Variants in SPAG1 observed in about 807,000 individuals in gnomAD.
The protein encoded by SPAG1 is sperm associated antigen 1.
A neutral mutation model predicts 100.5 loss-of-function variants in SPAG1; 69 were observed. The ratio of observed to expected loss-of-function variants is 0.69; its 90% CI spans 0.57 to 0.84. SPAG1 has a LOEUF of 0.84. Among genes scored for constraint, SPAG1 ranks in the 40% least tolerant of loss-of-function variants. The pLI is 0.00. For missense variants in SPAG1, 955 were observed against 1,133.1 expected (o/e 0.84, Z 2.26); for synonymous variants, 336 against 411.6 (o/e 0.82, Z 2.22).
intron 12 of SPAG1, among the ~76,000 whole-genome samples, chr8:100,217,651 C>G (rs1204938360): frequency 6.6e-6 from 1 of 152,212 alleles, no homozygotes; most frequent in African/African-American, 2.4e-5. Flanking sequence ...CTTCACTTTT[C>G]TCATCTATCA....
At chr8:100,190,860 G>A (rs1364566456) in intron 8 of SPAG1, among the ~76,000 whole-genome samples, 4 of 151,530 alleles carry the variant, frequency 2.6e-5, no homozygotes, top group African/African-American at 9.7e-5. Flanking sequence ...AGTAGAGATG[G>A]GATTTTGCCA....
chr8:100,204,457 T>G (rs1817421776), intron 10 of SPAG1, among the ~76,000 whole-genome samples: 1 of 152,084 alleles, frequency 6.6e-6, no homozygotes, highest in Non-Finnish European at 1.5e-5. Flanking sequence ...GCTGAATTTA[T>G]TGATTTGGGC....
chr8:100,215,424 G>A (rs1563802408), intron 12 of SPAG1, among the ~76,000 whole-genome samples: 1 of 152,184 alleles, frequency 6.6e-6, no homozygotes, highest in Non-Finnish European at 1.5e-5. Flanking sequence ...TACTCCTGTT[G>A]TCTCATATAA....
chr8:100,223,914 A>G (rs1818391306), intron 13 of SPAG1, among the ~76,000 whole-genome samples: 2 of 152,112 alleles, frequency 1.3e-5, no homozygotes, highest in Non-Finnish European at 2.9e-5. Context: ...AAGAAACTGT[A>G]GGGAAATTAT....
intron 16 of SPAG1, among the ~76,000 whole-genome samples, chr8:100,237,264 A>G (rs1819049048): frequency 6.6e-6 from 1 of 152,128 alleles, no homozygotes; most frequent in African/African-American, 2.4e-5. Flanking sequence ...TATGTTTAGT[A>G]GAGACGGGGT....
In SPAG1 at chr8:100,220,281, C is replaced by T. The variant is rs770542001; in HGVS notation, c.1538C>T (p.Ala513Val). The change falls in exon 13 of 19, where the codon GCT (alanine) becomes GTT (valine). Residue 513 changes from alanine to valine, a missense_variant and splice_region_variant. By Grantham distance (64) the Ala-to-Val change is moderately conservative. Transcript: ENST00000388798. ...CSGCIQDCNR[A>V]LELHPFSMKP... ...TGTAATATTTTTGTCTTCTTTAGGG[C>T]TCTGGAACTTCATCCATTCTCTATG... 2 of 1,606,400 alleles carry T rather than the reference C, an allele frequency of 1.2e-6. No homozygotes were observed. Among genetic ancestry groups the T allele is most frequent in the Admixed American group, 1.7e-5 (1 of 57,596 alleles).
chr8:100,236,712 T>C (rs561652874), intron 16 of SPAG1, among the ~76,000 whole-genome samples: 2 of 152,310 alleles, frequency 1.3e-5, no homozygotes, highest in Admixed American at 1.3e-4. Flanking sequence ...TCACTGAACA[T>C]TTTGCTTTTA....
intron 15 of SPAG1, 160 bp from the exon 16 acceptor site, chr8:100,233,250 GC>G: frequency 1.4e-6 from 1 of 713,570 alleles, no homozygotes; most frequent in Non-Finnish European, 2.4e-6. Context: ...GCGGTTGTAT[GC>G]CCAGTGCCAT....
chr8:100,213,601 T>G (rs1255244567), intron 11 of SPAG1, among the ~76,000 whole-genome samples, 173 bp downstream of exon 11: 1 of 152,194 alleles, frequency 6.6e-6, no homozygotes, highest in South Asian at 2.1e-4. Context: ...GAGCAGCACC[T>G]GGGAATGCCG....
chr8:100,209,442 A>G (rs930399695), intron 10 of SPAG1, among the ~76,000 whole-genome samples: 2 of 149,142 alleles, frequency 1.3e-5, no homozygotes, highest in African/African-American at 4.9e-5. Context: ...AAAAAAAAGA[A>G]GAAGAAAAGA....
chr8:100,235,856 G>A (rs1466751894), intron 16 of SPAG1, among the ~76,000 whole-genome samples: 2 of 150,842 alleles, frequency 1.3e-5, no homozygotes, highest in Non-Finnish European at 3.0e-5. Context: ...CTTTTTTTTT[G>A]GTTAGCAACA....
intron 4 of SPAG1, among the ~76,000 whole-genome samples, chr8:100,182,055 A>G (rs1448734881): frequency 6.6e-6 from 1 of 152,246 alleles, no homozygotes; most frequent in African/African-American, 2.4e-5. Context: ...GAATGAAGAT[A>G]TGTAATAGTT....
chr8:100,240,270 A>G (rs1237831483), intron 17 of SPAG1, 133 bp from the exon 18 acceptor site: 1 of 773,916 alleles, frequency 1.3e-6, no homozygotes, highest in South Asian at 3.2e-5. Context: ...AAATTATTAC[A>G]AAGTTTTCAC....
At chr8:100,189,414 T>G (rs1308192503) in intron 8 of SPAG1, among the ~76,000 whole-genome samples, 1 of 151,900 alleles carries the variant, frequency 6.6e-6, no homozygotes, top group African/African-American at 2.4e-5. Context: ...GAGGCAGAGG[T>G]TGCAGTGAGC....
chr8:100,200,658 A>G (rs1408959049), intron 10 of SPAG1, among the ~76,000 whole-genome samples: 1 of 152,184 alleles, frequency 6.6e-6, no homozygotes, highest in Non-Finnish European at 1.5e-5. Flanking sequence ...GTGAGATGGT[A>G]TCTCATTGTG....
At chr8:100,188,044 G>A (rs916030177) in intron 8 of SPAG1, among the ~76,000 whole-genome samples, 8 of 152,026 alleles carry the variant, frequency 5.3e-5, no homozygotes, top group Admixed American at 2.6e-4. Context: ...GTAGAGAGAC[G>A]GGGTTTCACC....
At chr8:100,205,954 G>A (rs1428084119) in intron 10 of SPAG1, among the ~76,000 whole-genome samples, 1 of 145,074 alleles carries the variant, frequency 6.9e-6, no homozygotes, top group African/African-American at 2.6e-5. Context: ...GGGAGGCAGA[G>A]GTTGCAGTGA....
intron 13 of SPAG1, 72 bp downstream of exon 13, chr8:100,220,503 CAT>C (rs1490221544): frequency 2.4e-6 from 3 of 1,276,408 alleles, no homozygotes; most frequent in Non-Finnish European, 3.3e-6. Context: ...CCTTCAAGAA[CAT>C]GTCAAAATAT....
chr8:100,176,527 G>A (rs545348933), intron 3 of SPAG1, among the ~76,000 whole-genome samples: 9 of 151,926 alleles, frequency 5.9e-5, no homozygotes, highest in Admixed American at 5.9e-4. Flanking sequence ...CACCACACCT[G>A]GCTAATTTTG....
Sources: allele counts gnomAD v4.1 joint callset (sites outside exome capture counted in the v4.1 genomes callset), GRCh38; gene constraint gnomAD v4.1.1; transcripts MANE v1.5; gene names NCBI Gene and HGNC (gene_info 2026-07-23, HGNC 2026-07-21).